CLIP2: variants seen among roughly 807,000 people sequenced by gnomAD.
CLIP2 encodes CAP-Gly domain-containing linker protein 2.
CLIP2 carries 41 observed loss-of-function variants against 111.7 expected under a neutral mutation model. That is an observed-to-expected ratio of 0.37 (90% CI 0.29 to 0.48). The LOEUF (loss-of-function observed/expected upper bound fraction) is 0.48, where lower values mean the gene tolerates loss of function less well. CLIP2 is among the 20% of genes least tolerant of loss of function. CLIP2 has a pLI of 0.99. For missense variants in CLIP2, 1,160 were observed against 1,422.1 expected, an observed-to-expected ratio of 0.82 and a Z score of 2.96; for synonymous variants, 660 against 644.2, an observed-to-expected ratio of 1.02 and a Z score of -0.37.
chr7:74,400,633 G>A lies in CLIP2; in HGVS notation c.3066+78G>A. 4 of 1,380,860 alleles carry A rather than the reference G, an allele frequency of 2.9e-6. No homozygotes were observed. The South Asian group carries it at 6.0e-5, about 21-fold the overall frequency. 85.5% of individuals were successfully genotyped at this position (1,380,860 alleles called of 1,614,324 possible). A position where few individuals can be genotyped will look rare whatever the true frequency, so the allele number is the denominator to read the frequency against. ...TCGGAGCCCCCGTCTGATGCGGGAG[G>A]CAGCCTTGTCTTTAAAACCCCAGTC... On this transcript the variant is annotated intron_variant, in intron 15 of 16. Coordinates refer to ENST00000223398, the MANE Select transcript of CLIP2 (RefSeq NM_003388.5).
At chr7:74,316,809 G>C (rs781804612) in intron 1 of CLIP2, among the ~76,000 whole-genome samples, 1 of 152,070 alleles carries the variant, frequency 6.6e-6, no homozygotes, top group Non-Finnish European at 1.5e-5. Flanking sequence ...TGATCCACTC[G>C]CCTCAGCCTC....
intron 9 of CLIP2, among the ~76,000 whole-genome samples, chr7:74,375,302 A>G (rs577188308): frequency 2.6e-4 from 39 of 151,994 alleles, no homozygotes; most frequent in African/African-American, 9.2e-4. Flanking sequence ...TAATCCCAAC[A>G]CTTTGGGACG....
intron 1 of CLIP2, among the ~76,000 whole-genome samples, chr7:74,297,771 TCCAACTC>T (rs1255286063): frequency 6.6e-6 from 1 of 151,706 alleles, no homozygotes; most frequent in African/African-American, 2.4e-5. Context: ...ACTGTAAGAA[TCCAACTC>T]GATGGGAGGA....
chr7:74,386,074 G>A (rs1320976073), intron 11 of CLIP2, among the ~76,000 whole-genome samples: 17 of 121,372 alleles, frequency 1.4e-4, no homozygotes, highest in African/African-American at 5.4e-4. Context: ...TTGAGACCGA[G>A]TCTCGCTGTG....
Position 74,376,735 on chromosome 7 carries a change from G to T in CLIP2, c.2334G>T (p.Gln778His). Residue 778 changes from glutamine (Q) to histidine (H), a missense_variant, in exon 10 of 17, where the codon CAG becomes CAT. Gln to His is a conservative substitution (Grantham distance 24). Coordinates refer to ENST00000223398, the MANE Select transcript of CLIP2 (RefSeq NM_003388.5). This position sits in a 1 kb window ranked among gnomAD's most constrained non-coding sequence, Gnocchi z 7.1. ...AGCGGGCAGAAGCCCAGGGCAAACA[G>T]GAGGTCGAGAGTTTGCGGGAGAAGC... is the stretch of plus-strand genomic sequence containing the variant. ...RLQRAEAQGKQEVESLREKLL... is the reference protein window; with the variant it reads ...RLQRAEAQGKHEVESLREKLL... The T allele has an allele frequency of 6.2e-7, 1 of 1,612,994 alleles. No individual in the cohort carries two copies. Among genetic ancestry groups the T allele is most frequent in the Non-Finnish European group, 8.5e-7 (1 of 1,179,752 alleles).
chr7:74,399,544 G>GT lies in CLIP2; in HGVS notation c.2881-826_2881-825insT, dbSNP rs1430339996. 8.4e-5 allele frequency among the ~76,000 whole-genome samples: 5 copies of GT among 59,420 alleles called. No homozygotes were observed. In the East Asian group the frequency reaches 2.8e-3, roughly 33 times the overall value. 39.0% of individuals were successfully genotyped at this position (59,420 alleles called of 152,430 possible). A position where few individuals can be genotyped will look rare whatever the true frequency, so the allele number is the denominator to read the frequency against. ...TAGAGTGAGACTCAGTCTTTTTTTG[G>GT]GGGGGGGGGGGTGGGGACCAAGTCT... On this transcript the variant is annotated intron_variant, in intron 14 of 16. Transcript: ENST00000223398.
intron 2 of CLIP2, among the ~76,000 whole-genome samples, chr7:74,332,121 T>C (rs1187674871): frequency 6.6e-6 from 1 of 151,728 alleles, no homozygotes; most frequent in East Asian, 2.0e-4. Flanking sequence ...TTGCCCAGGC[T>C]GGAGTGAAGT....
intron 11 of CLIP2, among the ~76,000 whole-genome samples, chr7:74,382,656 T>C (rs1790979132): frequency 6.6e-6 from 1 of 151,828 alleles, no homozygotes; most frequent in Non-Finnish European, 1.5e-5. Context: ...TTTTTTCTGA[T>C]TGGGTTATTG....
At chr7:74,290,036 C>CT (rs1252492704) in intron 1 of CLIP2, among the ~76,000 whole-genome samples, 1 of 152,230 alleles carries the variant, frequency 6.6e-6, no homozygotes, top group African/African-American at 2.4e-5. Flanking sequence ...ATCGGGGTCC[C>CT]TACCCTCGGA....
chr7:74,373,614 C>A (rs1790700250), intron 9 of CLIP2, among the ~76,000 whole-genome samples: 1 of 152,092 alleles, frequency 6.6e-6, no homozygotes, highest in African/African-American at 2.4e-5. Context: ...AGCTTATTGC[C>A]CCAGCAGCTG....
In CLIP2 at chr7:74,305,868, G is replaced by GC. The variant is rs1788472881; in HGVS notation, c.-67-11608dup. On this transcript the variant is annotated intron_variant, in intron 1 of 16. Coordinates refer to ENST00000223398, the MANE Select transcript of CLIP2 (RefSeq NM_003388.5). ...CCCTGCACCCCAACCCCCCCCCACC[G>GC]CCCCTGCTGCCAGTTCACCATCATC... 1.5e-4 allele frequency among the ~76,000 whole-genome samples: 6 copies of GC among 38,920 alleles called. 1 individual carries two copies. Among genetic ancestry groups the GC allele is most frequent in the African/African-American group, 5.5e-4 (4 of 7,288 alleles). 25.5% of individuals were successfully genotyped at this position (38,920 alleles called of 152,430 possible).
chr7:74,380,388 C>CA (rs1790909747), intron 10 of CLIP2: 1 of 155,220 alleles, frequency 6.4e-6, no homozygotes, highest in Non-Finnish European at 1.4e-5. Context: ...GCTGTGCACA[C>CA]ACTAACCCAA....
At chr7:74,367,046 A>C (rs868985910) in intron 8 of CLIP2, among the ~76,000 whole-genome samples, 3 of 152,026 alleles carry the variant, frequency 2.0e-5, no homozygotes, top group Non-Finnish European at 4.4e-5. Context: ...GTGGCACTTT[A>C]CTTGAACATC....
At chr7:74,401,972 T>A (rs182918727) in intron 16 of CLIP2, among the ~76,000 whole-genome samples, 3,186 of 149,942 alleles carry the variant, frequency 0.021, 111 homozygotes, top group African/African-American at 0.074. Context: ...AAAAAAAAAA[T>A]TTTAAAAAGG....
chr7:74,347,316 T>G (rs191010344), intron 3 of CLIP2, among the ~76,000 whole-genome samples: 1 of 152,184 alleles, frequency 6.6e-6, no homozygotes, highest in Admixed American at 6.5e-5. Context: ...TCGCCTAGGC[T>G]GGAGTGCAGT....
At chr7:74,316,528 G>A (rs1389205066) in intron 1 of CLIP2, among the ~76,000 whole-genome samples, 1 of 151,754 alleles carries the variant, frequency 6.6e-6, no homozygotes, top group Non-Finnish European at 1.5e-5. Context: ...TAGGATTACA[G>A]GTGTGAGCCA....
intron 2 of CLIP2, among the ~76,000 whole-genome samples, chr7:74,327,205 C>T (rs1423975078): frequency 6.6e-6 from 1 of 152,046 alleles, no homozygotes. Flanking sequence ...CAAGTTCAAG[C>T]AATTCTTCTG....
intron 2 of CLIP2, among the ~76,000 whole-genome samples, chr7:74,321,153 T>C (rs1478174799): frequency 2.6e-5 from 4 of 152,156 alleles, no homozygotes; most frequent in Non-Finnish European, 4.4e-5. Context: ...AGCGAGTTAA[T>C]GAACATGGAG....
chr7:74,364,999 GT>G (rs1790439657), intron 8 of CLIP2: 1 of 46,364 alleles, frequency 2.2e-5, no homozygotes, highest in Non-Finnish European at 4.1e-5. Context: ...TTTGTTGTGT[GT>G]GTGTGTGTGT....
Sources: allele counts gnomAD v4.1 joint callset (sites outside exome capture counted in the v4.1 genomes callset), GRCh38; gene constraint gnomAD v4.1.1; non-coding constraint Gnocchi (gnomAD v3.1); transcripts MANE v1.5; gene names NCBI Gene and HGNC (gene_info 2026-07-23, HGNC 2026-07-21).